NOMO3: variants seen among roughly 807,000 people sequenced by gnomAD.
NOMO3 encodes NODAL modulator 3.
NOMO3 carries 15 observed loss-of-function variants against 69.9 expected under a neutral mutation model. The observed-to-expected ratio is 0.21, with a 90% CI of 0.14 to 0.33. NOMO3 has a LOEUF of 0.33. Among genes scored for constraint, NOMO3 ranks in the 10% least tolerant of loss-of-function variants. The pLI, the probability that NOMO3 is intolerant of heterozygous loss-of-function variation, is 1.00. For synonymous variants in NOMO3, 89 were observed against 301.9 expected, an observed-to-expected ratio of 0.29 and a Z score of 7.31; for missense variants, 218 against 761.0, an observed-to-expected ratio of 0.29 and a Z score of 8.39.
intron 11 of NOMO3, 92 bp from the exon 12 acceptor site, chr16:16,261,410 G>T: frequency 1.4e-6 from 2 of 1,474,754 alleles, no homozygotes; most frequent in Non-Finnish European, 1.8e-6. Flanking sequence ...AGGAACAAGG[G>T]CTGGGAGAGG....
intron 13 of NOMO3, 141 bp downstream of exon 13, chr16:16,263,356 G>A (rs1450907428): frequency 6.4e-6 from 10 of 1,574,722 alleles, no homozygotes; most frequent in East Asian, 2.5e-5. Flanking sequence ...GAGTCAGGTG[G>A]GTACATGTTA....
chr16:16,270,756 T>G lies in NOMO3; in HGVS notation c.1982T>G (p.Leu661Trp). The G allele has an allele frequency of 2.1e-5, 1 of 48,754 alleles. No homozygotes were observed. Among genetic ancestry groups the G allele is most frequent in the Non-Finnish European group, 3.2e-5 (1 of 30,770 alleles). The allele number at this position is 48,754 out of a possible 1,614,324, so 3.0% of individuals were successfully genotyped here. The change falls in exon 18 of 31, where the codon TTG becomes TGG. Residue 661 changes from leucine to tryptophan, a missense_variant. Coordinates refer to ENST00000399336, the MANE Select transcript of NOMO3 (RefSeq NM_001004067.4). The part of the protein sequence containing the change: ...YDTSSPSILT[L>W]TAIRHHVLGT... ...AGGTCTTCACCTAGTATCTTGACAT[T>G]GACAGCCATTCGCCACCATGTCCTT... is the stretch of plus-strand genomic sequence containing the variant.
chr16:16,244,526 T>G, intron 4 of NOMO3, among the ~76,000 whole-genome samples: 1 of 101,882 alleles, frequency 9.8e-6, no homozygotes, highest in Non-Finnish European at 1.9e-5. Context: ...TTTTTTTTTT[T>G]TTTTTTTTTA....
chr16:16,264,546 TTTTC>T (rs1446510856), intron 14 of NOMO3, among the ~76,000 whole-genome samples: 1 of 86,006 alleles, frequency 1.2e-5, no homozygotes, highest in Non-Finnish European at 2.2e-5. Flanking sequence ...TGGTTCCAGT[TTTTC>T]TTTCTTTTTT....
At chr16:16,246,451 A>G (rs1238778625) in intron 5 of NOMO3, among the ~76,000 whole-genome samples, 2 of 135,858 alleles carry the variant, frequency 1.5e-5, no homozygotes, top group Non-Finnish European at 3.1e-5. Context: ...ACTAGAAAAA[A>G]ATAGTGTCTT....
intron 9 of NOMO3, among the ~76,000 whole-genome samples, chr16:16,255,124 G>C (rs1269928680): frequency 7.0e-6 from 1 of 143,606 alleles, no homozygotes; most frequent in Non-Finnish European, 1.5e-5. Flanking sequence ...TGTTGGCCAG[G>C]CTGGTCTTGG....
At position 16,232,553 on chromosome 16, in the gene NOMO3, T is replaced by C. The variant is rs1017780238; in HGVS notation, c.-114T>C. The stretch of plus-strand genomic sequence containing the variant: ...GCGCGGCGGCGGCTGGCGGCGGCGG[T>C]GGGGCGGGGCCTGGGCTGTCAGCCG... On this transcript the variant is annotated 5_prime_UTR_variant, in exon 1 of 31. Coordinates refer to ENST00000399336, the MANE Select transcript of NOMO3 (RefSeq NM_001004067.4). The C allele has an allele frequency of 6.7e-6, 8 of 1,202,800 alleles. No individual in the cohort carries two copies. The highest frequency in any genetic ancestry group is 3.1e-4 in the Middle Eastern group (1 of 3,212). 74.5% of individuals were successfully genotyped at this position (1,202,800 alleles called of 1,614,324 possible).
rs1353879446 is a variant in NOMO3, at chr16:16,238,489, G to C, written c.256-1362G>C. Among the ~76,000 whole-genome samples, 11 of 141,978 alleles carry C rather than the reference G, an allele frequency of 7.7e-5. 1 individual carries two copies. In the East Asian group the frequency reaches 2.6e-3, roughly 33 times the overall value. 93.1% of individuals were successfully genotyped at this position (141,978 alleles called of 152,430 possible). On this transcript the variant is annotated intron_variant, in intron 2 of 30. Transcript: ENST00000399336. ...GACCTCAGGTGATCCGCCCACCTCA[G>C]CCTCCCAGAGTGCTGGGATTACAGG...
At chr16:16,243,808 C>T (rs1472378329) in intron 4 of NOMO3, among the ~76,000 whole-genome samples, 6 of 142,330 alleles carry the variant, frequency 4.2e-5, no homozygotes, top group South Asian at 2.3e-4. Context: ...TACAGGTGTA[C>T]GCTGTGCACC....
chr16:16,269,427 T>C (rs1164911067), intron 16 of NOMO3, among the ~76,000 whole-genome samples: 2 of 138,702 alleles, frequency 1.4e-5, no homozygotes, highest in Non-Finnish European at 3.0e-5. Context: ...CAGAGAAACC[T>C]GATTTTTTTT....
chr16:16,268,515 A>G (rs1043785521), intron 16 of NOMO3, among the ~76,000 whole-genome samples: 1 of 143,782 alleles, frequency 7.0e-6, no homozygotes. Flanking sequence ...TTGGTTCCCA[A>G]GATAAAATAC....
chr16:16,243,002 G>C (rs552923790), intron 3 of NOMO3, among the ~76,000 whole-genome samples, 159 bp from the exon 4 acceptor site: 2 of 144,146 alleles, frequency 1.4e-5, no homozygotes, highest in Non-Finnish European at 3.0e-5. Context: ...ATACTTTTTC[G>C]TACCTTTGGA....
rs747569973 is a variant in NOMO3, at chr16:16,237,016, T to C, written c.255+26T>C. On this transcript the variant is annotated intron_variant, in intron 2 of 30. Coordinates refer to ENST00000399336, the MANE Select transcript of NOMO3 (RefSeq NM_001004067.4). The stretch of plus-strand genomic sequence containing the variant: ...GTAAGAGGGGACTGCTTGTCACTTA[T>C]GATGGGAAGTCACTAGTGTGCCTCA... 16 of 1,585,960 alleles carry C rather than the reference T, an allele frequency of 1.0e-5. 2 individuals carry two copies. The East Asian group carries it at 1.2e-4, about 12-fold the overall frequency.
At chr16:16,268,253 C>CTAG (rs1253660826) in intron 16 of NOMO3, among the ~76,000 whole-genome samples, 2 of 145,014 alleles carry the variant, frequency 1.4e-5, no homozygotes, top group African/African-American at 5.6e-5. Context: ...GTTTCGATAC[C>CTAG]TAGGAATGGA....
intron 11 of NOMO3, among the ~76,000 whole-genome samples, chr16:16,259,078 T>C (rs1307244063): frequency 1.4e-5 from 2 of 139,294 alleles, no homozygotes; most frequent in Non-Finnish European, 1.5e-5. Context: ...GAGCGAGGAG[T>C]AGATGGATTT....
chr16:16,244,536 A>G, intron 4 of NOMO3, among the ~76,000 whole-genome samples: 1 of 72,086 alleles, frequency 1.4e-5, no homozygotes, highest in East Asian at 4.8e-4. Flanking sequence ...TTTTTTTTTT[A>G]AGATGGAGTC....
At position 16,232,832 on chromosome 16, in the gene NOMO3, G is replaced by A; in HGVS notation, c.165+1G>A. 2.5e-6 allele frequency: 1 copy of A among 394,286 alleles called. No individual in the cohort carries two copies. The allele number at this position is 394,286 out of a possible 1,614,324, so 24.4% of individuals were successfully genotyped here. On this transcript the variant is annotated splice_donor_variant, in intron 1 of 30. Transcript: ENST00000399336. LOFTEE classifies it high-confidence loss of function. Reference sequence around the variant, plus strand: ...GGAGATCAACTACTCTCTCATCGAGGTGAGCGCCCGCCCCGCCGCCCGGCG... The same window carrying A: ...GGAGATCAACTACTCTCTCATCGAGATGAGCGCCCGCCCCGCCGCCCGGCG...
At chr16:16,238,698 C>G (rs1446189081) in intron 2 of NOMO3, among the ~76,000 whole-genome samples, 3 of 142,526 alleles carry the variant, frequency 2.1e-5, no homozygotes, top group Non-Finnish European at 4.5e-5. Context: ...ATCCAGAATG[C>G]ATAGGATTGA....
chr16:16,268,977 A>G (rs935371472), intron 16 of NOMO3, among the ~76,000 whole-genome samples: 3 of 138,638 alleles, frequency 2.2e-5, no homozygotes, highest in Admixed American at 6.9e-5. Flanking sequence ...TGGATGTGCT[A>G]CCCGAGGCTG....
Sources: gnomAD v4.1 joint callset for allele counts (sites outside exome capture counted in the v4.1 genomes callset) on GRCh38, gnomAD v4.1.1 for gene constraint, MANE v1.5 for transcripts, NCBI Gene and HGNC (gene_info 2026-07-23, HGNC 2026-07-21) for gene names.